MBD5: variants seen among roughly 807,000 people sequenced by gnomAD.
The protein encoded by MBD5 is methyl-CpG binding domain protein 5, also known as methyl-CpG-binding domain protein 5.
A neutral mutation model predicts 117.3 loss-of-function variants in MBD5; 13 were observed. The ratio of observed to expected loss-of-function variants is 0.11; its 90% confidence interval spans 0.07 to 0.18. The LOEUF (loss-of-function observed/expected upper bound fraction) is 0.18, where lower values mean the gene tolerates loss of function less well. Ranked by LOEUF, MBD5 falls within the 10% of genes least tolerant of loss-of-function variation. The pLI is 1.00. For synonymous variants in MBD5, 727 were observed against 766.4 expected (o/e 0.95, Z 0.85); for missense variants, 1,879 against 2,093.8 (o/e 0.90, Z 2.00).
intron 3 of MBD5, among the ~76,000 whole-genome samples, chr2:148,281,816 CT>C (rs979287764): frequency 6.6e-6 from 1 of 152,090 alleles, no homozygotes; most frequent in African/African-American, 2.4e-5. Flanking sequence ...TCCCCAAAAG[CT>C]TTTTTCAGCT....
intron 2 of MBD5, among the ~76,000 whole-genome samples, chr2:148,212,092 T>G (rs1416776784): frequency 6.6e-6 from 1 of 152,186 alleles, no homozygotes; most frequent in Non-Finnish European, 1.5e-5. Context: ...TATTGAGATA[T>G]AATTCATGTC....
At chr2:148,436,060 T>C (rs1174692753) in intron 4 of MBD5, among the ~76,000 whole-genome samples, 8 of 152,180 alleles carry the variant, frequency 5.3e-5, no homozygotes. Flanking sequence ...AGGAATGAAA[T>C]TGCATTTGTA....
chr2:148,144,323 G>C (rs1697393221), intron 1 of MBD5, among the ~76,000 whole-genome samples: 1 of 151,930 alleles, frequency 6.6e-6, no homozygotes, highest in Non-Finnish European at 1.5e-5. Context: ...ATTTGTTTGA[G>C]TTCTTTGTAG....
intron 3 of MBD5, among the ~76,000 whole-genome samples, chr2:148,308,553 A>C (rs1179429134): frequency 9.1e-6 from 1 of 109,720 alleles, no homozygotes; most frequent in East Asian, 2.8e-4. Flanking sequence ...TCTGGATATT[A>C]GCCCTTTGTC....
chr2:148,438,267 C>G (rs1434590946), intron 4 of MBD5, among the ~76,000 whole-genome samples: 5 of 152,182 alleles, frequency 3.3e-5, no homozygotes, highest in African/African-American at 1.2e-4. Context: ...CTTTTCACTT[C>G]TGTGATCTTC....
chr2:148,256,701 C>T (rs185139607), intron 3 of MBD5, among the ~76,000 whole-genome samples: 217 of 152,324 alleles, frequency 1.4e-3, no homozygotes, highest in Non-Finnish European at 1.6e-3. Flanking sequence ...AGTTATAGCA[C>T]CTCGGCTAGA....
intron 5 of MBD5, among the ~76,000 whole-genome samples, chr2:148,459,624 T>G (rs1242097300): frequency 2.0e-5 from 3 of 152,196 alleles, no homozygotes; most frequent in Non-Finnish European, 4.4e-5. Context: ...AGAAACAACT[T>G]AAAACTTTTT....
intron 1 of MBD5, among the ~76,000 whole-genome samples, chr2:148,051,897 T>C (rs1177088250): frequency 6.6e-6 from 1 of 152,062 alleles, no homozygotes; most frequent in Non-Finnish European, 1.5e-5. Flanking sequence ...TTTCCTCTTC[T>C]GTTTTTTTAA....
In MBD5 at chr2:148,400,354, T is replaced by C. The variant is rs1191023056; in HGVS notation, c.-556-57849T>C. Among the ~76,000 whole-genome samples the C allele has an allele frequency of 3.3e-5, 5 of 152,330 alleles. No individual in the cohort carries two copies. In the East Asian group the frequency reaches 9.7e-4, roughly 29 times the overall value. Reference sequence around the variant, plus strand: ...AGACAGAGCAGGAATGTTAATTCTCTATTACCAGTGCTTATTAAGTATTTG... The same window carrying C: ...AGACAGAGCAGGAATGTTAATTCTCCATTACCAGTGCTTATTAAGTATTTG... On this transcript the variant is annotated intron_variant, in intron 4 of 13. Coordinates refer to ENST00000642680, the MANE Select transcript of MBD5 (RefSeq NM_001378120.1).
intron 1 of MBD5, among the ~76,000 whole-genome samples, chr2:148,168,508 A>G (rs1008991418): frequency 2.0e-5 from 3 of 152,198 alleles, no homozygotes; most frequent in Non-Finnish European, 2.9e-5. Context: ...AAAGTCATGA[A>G]AATGATAAAG....
At chr2:148,336,702 C>T (rs1702798686) in intron 3 of MBD5, among the ~76,000 whole-genome samples, 1 of 152,164 alleles carries the variant, frequency 6.6e-6, no homozygotes, top group South Asian at 2.1e-4. Context: ...TTCCCTTTCA[C>T]TCTTCCTCAA....
At chr2:148,111,290 G>C (rs1366936907) in intron 1 of MBD5, among the ~76,000 whole-genome samples, 1 of 152,170 alleles carries the variant, frequency 6.6e-6, no homozygotes, top group African/African-American at 2.4e-5. Flanking sequence ...ACTCCAGAAG[G>C]AAAAGATGCC....
At chr2:148,092,265 A>G (rs1695962760) in intron 1 of MBD5, among the ~76,000 whole-genome samples, 1 of 152,228 alleles carries the variant, frequency 6.6e-6, no homozygotes, top group African/African-American at 2.4e-5. Flanking sequence ...GATTCCTTAA[A>G]GAACTAAAAG....
chr2:148,037,638 G>GA (rs1353618311), intron 1 of MBD5, among the ~76,000 whole-genome samples: 1 of 151,646 alleles, frequency 6.6e-6, no homozygotes, highest in Non-Finnish European at 1.5e-5. Context: ...TTCTCAAAGA[G>GA]AAAAAACAGA....
chr2:148,458,036 T>C (rs1706939582), intron 4 of MBD5, among the ~76,000 whole-genome samples, 167 bp from the exon 5 acceptor site: 2 of 152,268 alleles, frequency 1.3e-5, no homozygotes, highest in African/African-American at 2.4e-5. Flanking sequence ...TTGGAGTAAG[T>C]GGACTAAGTT....
chr2:148,243,104 T>C (rs1309791994), intron 3 of MBD5, among the ~76,000 whole-genome samples: 1 of 151,666 alleles, frequency 6.6e-6, no homozygotes, highest in Non-Finnish European at 1.5e-5. Flanking sequence ...ATGCATAGCA[T>C]GAATTGCTAC....
At position 148,342,795 on chromosome 2, in the gene MBD5, CA is replaced by C. The variant is rs1190281277; in HGVS notation, c.-557+460del. 9.2e-5 allele frequency among the ~76,000 whole-genome samples: 14 copies of C among 151,936 alleles called. 1 individual carries two copies. Among genetic ancestry groups the C allele is most frequent in the Admixed American group, 8.6e-4 (13 of 15,196 alleles). Reference sequence around the variant, plus strand: ...TTCTCCTCAACTTTTATTTTAGATTCAGGGGGTACATGTGCAGATTTGTTAA... The same window carrying C: ...TTCTCCTCAACTTTTATTTTAGATTCGGGGGTACATGTGCAGATTTGTTAA... On this transcript the variant is annotated intron_variant, in intron 4 of 13. Transcript: ENST00000642680.
At chr2:148,251,206 A>G (rs1027604339) in intron 3 of MBD5, among the ~76,000 whole-genome samples, 1 of 152,200 alleles carries the variant, frequency 6.6e-6, no homozygotes, top group African/African-American at 2.4e-5. Context: ...TTATAACAAA[A>G]AGGGCTAGAT....
chr2:148,064,047 C>T (rs1217337450), intron 1 of MBD5, among the ~76,000 whole-genome samples: 2 of 151,756 alleles, frequency 1.3e-5, no homozygotes, highest in African/African-American at 2.4e-5. Flanking sequence ...TACACCCAAG[C>T]AGGGAGTCTT....
Sources: gnomAD v4.1 joint callset for allele counts (sites outside exome capture counted in the v4.1 genomes callset) on GRCh38, gnomAD v4.1.1 for gene constraint, MANE v1.5 for transcripts, NCBI Gene and HGNC (gene_info 2026-07-23, HGNC 2026-07-21) for gene names.